The following FEZ2 variants were observed in gnomAD, a reference collection of about 807,000 sequenced individuals.
FEZ2 encodes the protein fasciculation and elongation protein zeta 2, also known as fasciculation and elongation protein zeta-2.
FEZ2 carries 51 observed loss-of-function variants against 40.4 expected under a neutral mutation model. That is an observed-to-expected ratio of 1.26 (90% CI 1.01 to 1.59). The LOEUF is 1.59. Among genes scored for constraint, FEZ2 ranks in the 40% most tolerant of loss-of-function variants. The pLI is 0.00. For synonymous variants in FEZ2, 242 were observed against 172.0 expected, an observed-to-expected ratio of 1.41 and a Z score of -3.18; for missense variants, 640 against 438.3, an observed-to-expected ratio of 1.46 and a Z score of -4.11.
At chr2:36,590,538 C>G (rs1385044910) in intron 2 of FEZ2, 2 of 172,384 alleles carry the variant, frequency 1.2e-5, no homozygotes, top group Admixed American at 6.2e-5. Flanking sequence ...ACTGGTGGCT[C>G]ATGCCTGTAA....
At chr2:36,595,090 A>G (rs1054193474) in intron 1 of FEZ2, among the ~76,000 whole-genome samples, 1 of 152,238 alleles carries the variant, frequency 6.6e-6, no homozygotes, top group African/African-American at 2.4e-5. Flanking sequence ...CGAATCCTGC[A>G]GAATACTCTT....
chr2:36,572,471 G>C (rs902118593), intron 5 of FEZ2, among the ~76,000 whole-genome samples: 17 of 152,072 alleles, frequency 1.1e-4, no homozygotes, highest in Non-Finnish European at 2.4e-4. Context: ...ATTTTACTAA[G>C]TCTAAATCAG....
rs1573039955 is a variant in FEZ2 at position 36,598,067 on chromosome 2, A to G, written c.76T>C (p.Cys26Arg). 4 of 1,488,476 alleles carry G rather than the reference A, an allele frequency of 2.7e-6. No individual in the cohort carries two copies. The highest frequency in any genetic ancestry group is 2.7e-6 in the Non-Finnish European group (3 of 1,128,414). The allele number at this position is 1,488,476 out of a possible 1,614,324, so 92.2% of individuals were successfully genotyped here. ...GCCCCAGGCTCGGGGCTCGCGTTACAGTTCTCCTGGTCCAGGAGGCTCCGG... is the reference window on the plus strand; with the variant it reads ...GCCCCAGGCTCGGGGCTCGCGTTACGGTTCTCCTGGTCCAGGAGGCTCCGG... ...PARSLLDQEN[C>R]NASPEPGAEA... Residue 26 changes from cysteine to arginine, a missense_variant, in exon 1 of 8, where the codon TGT becomes CGT. Cys to Arg is a radical substitution (Grantham distance 180, BLOSUM62 -3). Coordinates refer to ENST00000405912, the MANE Select transcript of FEZ2 (RefSeq NM_005102.3).
rs184291964 is a variant in FEZ2, at chr2:36,594,455, G to A, written c.266+3422C>T. The stretch of plus-strand genomic sequence containing the variant: ...GGAGGCCTCAGAATCATGGCAGGAG[G>A]CAAAAGGCACTTCTTACATGGCGGC... On this transcript the variant is annotated intron_variant, in intron 1 of 7. Transcript: ENST00000405912. 1.8e-3 allele frequency: 356 copies of A among 201,832 alleles called. 9 individuals carry two copies. The East Asian group carries it at 0.049, about 27-fold the overall frequency. The allele number at this position is 201,832 out of a possible 1,614,324, so 12.5% of individuals were successfully genotyped here.
At chr2:36,591,336 A>T (rs148080692) in intron 1 of FEZ2, 13 of 225,076 alleles carry the variant, frequency 5.8e-5, no homozygotes, top group African/African-American at 3.0e-4. Flanking sequence ...TAATCTTCAA[A>T]AACAACATTA....
At chr2:36,559,839 G>A (rs1287060473) in intron 5 of FEZ2, among the ~76,000 whole-genome samples, 3 of 152,142 alleles carry the variant, frequency 2.0e-5, no homozygotes, top group Non-Finnish European at 4.4e-5. Context: ...GAGAGGCAAC[G>A]GAATGAAAAC....
intron 5 of FEZ2, among the ~76,000 whole-genome samples, chr2:36,572,923 C>A (rs848626): frequency 0.089 from 13,505 of 152,160 alleles, 1,281 homozygotes; most frequent in East Asian, 0.21. Flanking sequence ...TCTCCCCCAT[C>A]CTTCAGCAAT....
chr2:36,592,644 C>CAAAAAA (rs34717975), intron 1 of FEZ2, among the ~76,000 whole-genome samples: 1 of 74,566 alleles, frequency 1.3e-5, no homozygotes, highest in African/African-American at 5.1e-5. Context: ...CACATCTCTA[C>CAAAAAA]AAAAAAAAAA....
chr2:36,564,072 C>T (rs895796967), intron 5 of FEZ2, among the ~76,000 whole-genome samples: 1 of 152,202 alleles, frequency 6.6e-6, no homozygotes, highest in African/African-American at 2.4e-5. Flanking sequence ...TCTTCTGCTT[C>T]CATAAATTGA....
At chr2:36,563,377 C>G (rs1668142454) in intron 5 of FEZ2, among the ~76,000 whole-genome samples, 1 of 152,170 alleles carries the variant, frequency 6.6e-6, no homozygotes, top group Non-Finnish European at 1.5e-5. Flanking sequence ...GAGTCAGTGG[C>G]TGCAGCTGAC....
rs116589678 is a variant in FEZ2 at position 36,592,681 on chromosome 2, G to A, written c.267-1670C>T. Among the ~76,000 whole-genome samples the A allele has an allele frequency of 6.6e-3, 996 of 151,594 alleles. 7 individuals are homozygous for A. Among genetic ancestry groups the A allele is most frequent in the African/African-American group, 0.023 (937 of 41,312 alleles). ...AAAAAAAAAAATTGGCCAGGCCTGT[G>A]GCATGTGCCGCAGTCCCAGCTACTT... is the stretch of plus-strand genomic sequence containing the variant. On this transcript the variant is annotated intron_variant, in intron 1 of 7. Transcript: ENST00000405912.
chr2:36,597,884 C>T lies in FEZ2; in HGVS notation c.259G>A (p.Gly87Arg). Reference protein sequence around the residue: ...RPITERSLLQGDEIWNALTDN... With the variant: ...RPITERSLLQRDEIWNALTDN... ...CCGGGGCCCCGCACTCACTCGTCCC[C>T]CTGCAGGAGGCTGCGCTCCGTGATG... Residue 87 changes from glycine to arginine, a missense_variant, in exon 1 of 8, where the codon GGG becomes AGG. Gly to Arg is a moderately radical substitution (Grantham distance 125). Coordinates refer to ENST00000405912, the MANE Select transcript of FEZ2 (RefSeq NM_005102.3). The T allele has an allele frequency of 7.3e-7, 1 of 1,374,236 alleles. No homozygotes were observed. Among genetic ancestry groups the T allele is most frequent in the South Asian group, 1.6e-5 (1 of 60,936 alleles). 85.1% of individuals were successfully genotyped at this position (1,374,236 alleles called of 1,614,324 possible).
At chr2:36,579,930 A>G (rs1393576504) in intron 4 of FEZ2, among the ~76,000 whole-genome samples, 1 of 152,178 alleles carries the variant, frequency 6.6e-6, no homozygotes, top group African/African-American at 2.4e-5. Flanking sequence ...TGAGGGCATC[A>G]GGATAGGCCC....
chr2:36,594,234 C>A (rs1035690438), intron 1 of FEZ2, among the ~76,000 whole-genome samples: 3 of 152,046 alleles, frequency 2.0e-5, no homozygotes, highest in African/African-American at 7.2e-5. Flanking sequence ...GTCTTCTGAG[C>A]CCTTCAAACT....
At chr2:36,581,952 A>G (rs1456374600) in intron 3 of FEZ2, among the ~76,000 whole-genome samples, 2 of 152,164 alleles carry the variant, frequency 1.3e-5, no homozygotes, top group East Asian at 3.8e-4. Context: ...CAGCAGAAAA[A>G]TAATTTTATA....
At chr2:36,592,757 G>A (rs1050440577) in intron 1 of FEZ2, among the ~76,000 whole-genome samples, 2 of 152,136 alleles carry the variant, frequency 1.3e-5, no homozygotes, top group African/African-American at 4.8e-5. Flanking sequence ...CAAGGCTGTA[G>A]TGAGCTATGA....
chr2:36,577,640 G>A (rs1668613014), intron 5 of FEZ2, among the ~76,000 whole-genome samples: 1 of 152,222 alleles, frequency 6.6e-6, no homozygotes, highest in Admixed American at 6.5e-5. Context: ...TAATAAATGA[G>A]CTATATGGTA....
chr2:36,555,542 G>A, intron 7 of FEZ2, 141 bp downstream of exon 7: 1 of 475,014 alleles, frequency 2.1e-6, no homozygotes, highest in Non-Finnish European at 3.8e-6. Context: ...AGTCAGTCAT[G>A]TAGCTAATCC....
intron 5 of FEZ2, among the ~76,000 whole-genome samples, chr2:36,569,409 C>A (rs1668343291): frequency 6.6e-6 from 1 of 152,044 alleles, no homozygotes; most frequent in Non-Finnish European, 1.5e-5. Context: ...TAGTTCCTAG[C>A]TGATAGGACT....
Sources: gnomAD v4.1 joint callset for allele counts (sites outside exome capture counted in the v4.1 genomes callset) on GRCh38, gnomAD v4.1.1 for gene constraint, MANE v1.5 for transcripts, NCBI Gene and HGNC (gene_info 2026-07-23, HGNC 2026-07-21) for gene names.